ROBO1: variants seen among roughly 807,000 people sequenced by gnomAD.
ROBO1 encodes the protein roundabout guidance receptor 1.
ROBO1 carries 149 observed loss-of-function variants against 195.9 expected under a neutral mutation model. The observed-to-expected ratio is 0.76, with a 90% CI of 0.67 to 0.87. The LOEUF (loss-of-function observed/expected upper bound fraction) is 0.87. ROBO1 is among the 40% of genes least tolerant of loss of function. The pLI is 0.00. For missense variants in ROBO1, 1,933 were observed against 2,068.3 expected (o/e 0.93, Z 1.27); for synonymous variants, 816 against 733.2 (o/e 1.11, Z -1.82).
intron 1 of ROBO1, among the ~76,000 whole-genome samples, chr3:79,591,875 C>T (rs1944009790): frequency 1.3e-5 from 2 of 151,590 alleles, no homozygotes; most frequent in Non-Finnish European, 1.5e-5. Context: ...TCAGATTCCT[C>T]TTCTCTCTAA....
chr3:79,602,773 C>T (rs763413455), intron 1 of ROBO1, among the ~76,000 whole-genome samples: 9 of 151,942 alleles, frequency 5.9e-5, no homozygotes, highest in Non-Finnish European at 8.8e-5. Context: ...TAACTTCTCA[C>T]CATAACTCAT....
chr3:79,635,786 G>A (rs1945478573), intron 1 of ROBO1, among the ~76,000 whole-genome samples: 1 of 152,094 alleles, frequency 6.6e-6, no homozygotes. Flanking sequence ...AGGCCGAGAT[G>A]GAATGGGGAT....
chr3:78,678,701 A>G (rs1192309252), intron 10 of ROBO1, among the ~76,000 whole-genome samples: 1 of 152,112 alleles, frequency 6.6e-6, no homozygotes, highest in South Asian at 2.1e-4. Context: ...CCAACCAAAA[A>G]GAGTCCAGGA....
At chr3:79,165,210 A>G (rs2108676935) in intron 2 of ROBO1, among the ~76,000 whole-genome samples, 1 of 152,340 alleles carries the variant, frequency 6.6e-6, no homozygotes, top group Non-Finnish European at 1.5e-5. Context: ...CTAACAGTGG[A>G]GCTCAATAAC....
intron 1 of ROBO1, among the ~76,000 whole-genome samples, chr3:79,631,251 G>A (rs1010957687): frequency 6.6e-6 from 1 of 151,856 alleles, no homozygotes; most frequent in Non-Finnish European, 1.5e-5. Flanking sequence ...TGAGGCTGTA[G>A]TAACGAAAAC....
intron 1 of ROBO1, among the ~76,000 whole-genome samples, chr3:79,597,926 T>C (rs1269678252): frequency 6.6e-6 from 1 of 152,094 alleles, no homozygotes; most frequent in Non-Finnish European, 1.5e-5. Flanking sequence ...GAAGATTCCT[T>C]ACATGTAGGC....
intron 2 of ROBO1, among the ~76,000 whole-genome samples, chr3:79,526,259 C>T (rs2107596721): frequency 6.6e-6 from 1 of 152,222 alleles, no homozygotes; most frequent in Middle Eastern, 3.4e-3. Flanking sequence ...ATGAAACTAA[C>T]AAAATTGGAA....
chr3:78,972,110 TATAA>T, intron 3 of ROBO1, among the ~76,000 whole-genome samples: 1 of 152,322 alleles, frequency 6.6e-6, no homozygotes, highest in Non-Finnish European at 1.5e-5. Context: ...ACACATTCCT[TATAA>T]ATAGTCATAA....
At chr3:79,058,202 A>G (rs1465060613) in intron 3 of ROBO1, among the ~76,000 whole-genome samples, 1 of 152,076 alleles carries the variant, frequency 6.6e-6, no homozygotes, top group Non-Finnish European at 1.5e-5. Flanking sequence ...CAGTAATATT[A>G]AAAAATGAGT....
At chr3:79,449,254 A>G (rs571789190) in intron 2 of ROBO1, among the ~76,000 whole-genome samples, 55 of 152,226 alleles carry the variant, frequency 3.6e-4, no homozygotes, top group African/African-American at 1.2e-3. Context: ...TAAAAAATAA[A>G]AAGATTCAGT....
intron 5 of ROBO1, among the ~76,000 whole-genome samples, chr3:78,738,784 T>C (rs910477183): frequency 6.6e-6 from 1 of 152,214 alleles, no homozygotes; most frequent in Non-Finnish European, 1.5e-5. Context: ...AGCATACTGA[T>C]GCTGTAAATT....
At chr3:78,637,545 G>A (rs1224524941) in intron 22 of ROBO1, among the ~76,000 whole-genome samples, 1 of 152,176 alleles carries the variant, frequency 6.6e-6, no homozygotes, top group Non-Finnish European at 1.5e-5. Context: ...AAGAGGGACT[G>A]AGTTTTAAAC....
chr3:78,881,305 T>C (rs2036165510), intron 4 of ROBO1, among the ~76,000 whole-genome samples: 1 of 152,172 alleles, frequency 6.6e-6, no homozygotes, highest in Admixed American at 6.6e-5. Flanking sequence ...GAGCCCCTCT[T>C]AAGTCCGCAT....
At chr3:78,914,350 G>A (rs1054635895) in intron 4 of ROBO1, among the ~76,000 whole-genome samples, 1 of 151,988 alleles carries the variant, frequency 6.6e-6, no homozygotes, top group Non-Finnish European at 1.5e-5. Flanking sequence ...AGAAACATAC[G>A]CAAATTCAAA....
chr3:78,647,528 C>T (rs1706377780), intron 20 of ROBO1, 101 bp downstream of exon 20: 1 of 1,131,088 alleles, frequency 8.8e-7, no homozygotes, highest in African/African-American at 1.5e-5. Context: ...TAAGTTCTTT[C>T]CCCCAACTTA....
At chr3:79,718,432 G>T (rs1702573526) in intron 1 of ROBO1, among the ~76,000 whole-genome samples, 1 of 151,870 alleles carries the variant, frequency 6.6e-6, no homozygotes, top group Non-Finnish European at 1.5e-5. Context: ...GTTAAATTGT[G>T]CCAGGGGATA....
At chr3:79,542,946 G>T (rs1942130453) in intron 2 of ROBO1, among the ~76,000 whole-genome samples, 1 of 151,924 alleles carries the variant, frequency 6.6e-6, no homozygotes, top group South Asian at 2.1e-4. Context: ...AATTTCACAA[G>T]AATATCACAT....
chr3:79,595,518 A>T (rs950524635), intron 1 of ROBO1, among the ~76,000 whole-genome samples: 2 of 151,920 alleles, frequency 1.3e-5, no homozygotes, highest in Non-Finnish European at 2.9e-5. Context: ...CCTTGTTATG[A>T]ACCAAAATTG....
chr3:79,001,128 G>A (rs1424628112), intron 3 of ROBO1, among the ~76,000 whole-genome samples: 1 of 151,906 alleles, frequency 6.6e-6, no homozygotes, highest in Non-Finnish European at 1.5e-5. Flanking sequence ...TCAGGGGGTC[G>A]GGGGAAAGGG....
Sources: allele counts gnomAD v4.1 joint callset (sites outside exome capture counted in the v4.1 genomes callset), GRCh38; gene constraint gnomAD v4.1.1; transcripts MANE v1.5; gene names NCBI Gene and HGNC (gene_info 2026-07-23, HGNC 2026-07-21).